The following MARCHF8 variants were observed in gnomAD, a reference collection of about 807,000 sequenced individuals.
The protein encoded by MARCHF8 is membrane associated ring-CH-type finger 8.
MARCHF8 carries 40 observed loss-of-function variants against 51.6 expected under a neutral mutation model. The observed-to-expected ratio is 0.77, with a 90% CI of 0.60 to 1.01. The LOEUF is 1.01. MARCHF8 is among the 50% of genes least tolerant of loss of function. The pLI is 0.00. For synonymous variants in MARCHF8, 263 were observed against 280.3 expected, an observed-to-expected ratio of 0.94 and a Z score of 0.62; for missense variants, 685 against 708.6, an observed-to-expected ratio of 0.97 and a Z score of 0.38.
intron 3 of MARCHF8, among the ~76,000 whole-genome samples, chr10:45,487,692 G>A (rs1564479708): frequency 6.6e-6 from 1 of 152,134 alleles, no homozygotes; most frequent in East Asian, 1.9e-4. Flanking sequence ...TTAAGCGGAA[G>A]AATAATATAA....
intron 6 of MARCHF8, chr10:45,459,866 C>A: frequency 1.0e-6 from 1 of 985,414 alleles, no homozygotes; most frequent in Non-Finnish European, 1.2e-6. Context: ...GCCAGACTTT[C>A]TTTTTCATTT....
chr10:45,485,643 T>C (rs2042965914), intron 3 of MARCHF8, among the ~76,000 whole-genome samples: 1 of 152,142 alleles, frequency 6.6e-6, no homozygotes, highest in South Asian at 2.1e-4. Flanking sequence ...TGAGACACTT[T>C]GTAATAAAAT....
At chr10:45,511,029 G>A (rs931899557) in intron 2 of MARCHF8, among the ~76,000 whole-genome samples, 1 of 152,228 alleles carries the variant, frequency 6.6e-6, no homozygotes, top group Non-Finnish European at 1.5e-5. Context: ...TTCTAATATA[G>A]ACTGATAAAT....
intron 1 of MARCHF8, among the ~76,000 whole-genome samples, chr10:45,578,630 A>T (rs1343031032): frequency 6.6e-6 from 1 of 152,218 alleles, no homozygotes; most frequent in Non-Finnish European, 1.5e-5. Flanking sequence ...TTAACTTCAA[A>T]GAGAAAAACA....
chr10:45,488,387 T>A (rs1181992115), intron 3 of MARCHF8, among the ~76,000 whole-genome samples: 1 of 152,012 alleles, frequency 6.6e-6, no homozygotes, highest in Non-Finnish European at 1.5e-5. Flanking sequence ...CCGCAATGCC[T>A]GAAGGTCCAG....
At chr10:45,531,384 G>C (rs965510550) in intron 2 of MARCHF8, among the ~76,000 whole-genome samples, 30 of 152,184 alleles carry the variant, frequency 2.0e-4, no homozygotes, top group Admixed American at 1.1e-3. Flanking sequence ...AAAAATGATA[G>C]ATGGAAATAC....
At chr10:45,523,505 G>A (rs2043743011) in intron 2 of MARCHF8, among the ~76,000 whole-genome samples, 1 of 152,210 alleles carries the variant, frequency 6.6e-6, no homozygotes, top group African/African-American at 2.4e-5. Flanking sequence ...GCCTGTGAGA[G>A]TGAGACCCAA....
At chr10:45,504,552 C>T (rs1235649198) in intron 2 of MARCHF8, among the ~76,000 whole-genome samples, 1 of 152,216 alleles carries the variant, frequency 6.6e-6, no homozygotes, top group African/African-American at 2.4e-5. Flanking sequence ...ATACAGGACA[C>T]CAGCTATCTA....
intron 1 of MARCHF8, among the ~76,000 whole-genome samples, chr10:45,564,133 A>G (rs1693594665): frequency 6.6e-6 from 1 of 152,136 alleles, no homozygotes. Context: ...AAAATCAGCC[A>G]GATGTGGTGG....
chr10:45,525,520 A>C (rs1210966445), intron 2 of MARCHF8, among the ~76,000 whole-genome samples: 1 of 152,214 alleles, frequency 6.6e-6, no homozygotes, highest in African/African-American at 2.4e-5. Context: ...CAGATAATTC[A>C]TGTAAAGACT....
Position 45,458,343 on chromosome 10 carries a change from G to A in MARCHF8, c.1618C>T (p.Pro540Ser). The A allele has an allele frequency of 6.2e-7, 1 of 1,614,082 alleles. No homozygotes were observed. Among genetic ancestry groups the A allele is most frequent in the Non-Finnish European group, 8.5e-7 (1 of 1,180,006 alleles). The change falls in exon 8 of 8, where the codon CCC becomes TCC. Residue 540 changes from proline to serine, a missense_variant. Pro to Ser is a moderately conservative substitution (Grantham distance 74). Transcript: ENST00000453424. Reference sequence around the variant, plus strand: ...TATCCATGTTTATTTTCAAAGTTGGGCTCTGTTAGTGGAGATTTTTCAAAA... The same window carrying A: ...TATCCATGTTTATTTTCAAAGTTGGACTCTGTTAGTGGAGATTTTTCAAAA... Reference protein sequence around the residue: ...NIFEKSPLTEPNFENKHGYGI... With the variant: ...NIFEKSPLTESNFENKHGYGI...
intron 2 of MARCHF8, among the ~76,000 whole-genome samples, chr10:45,494,728 C>T (rs1211309860): frequency 5.3e-5 from 8 of 152,140 alleles, no homozygotes; most frequent in Admixed American, 1.3e-4. Context: ...GGAATATAGA[C>T]GTAATACCAC....
rs1227858504 is a variant in MARCHF8, at chr10:45,464,282, A to C, written c.199T>G (p.Phe67Val). 1 of 1,614,180 alleles carries C rather than the reference A, an allele frequency of 6.2e-7. No individual in the cohort carries two copies. The highest frequency in any genetic ancestry group is 8.5e-7 in the Non-Finnish European group (1 of 1,180,018). Residue 67 changes from phenylalanine to valine, a missense_variant, in exon 4 of 8, where the codon TTC (phenylalanine) becomes GTC (valine). Phe to Val is a conservative substitution (Grantham distance 50). Transcript: ENST00000453424. The stretch of plus-strand genomic sequence containing the variant: ...GATGGCGTGATAGAAGTGCGAGAGA[A>C]GGAGGACACCGGAGCCGGAGCTGAT... ...SASAPAPVSS[F>V]SRTSITPSSQ...
chr10:45,501,599 A>G (rs899532143), intron 2 of MARCHF8, among the ~76,000 whole-genome samples: 2 of 152,122 alleles, frequency 1.3e-5, no homozygotes, highest in African/African-American at 2.4e-5. Flanking sequence ...GAGTTCCTAT[A>G]CTACACACCC....
intron 2 of MARCHF8, among the ~76,000 whole-genome samples, chr10:45,507,811 GAAA>G (rs34156328): frequency 8.2e-6 from 1 of 122,296 alleles, no homozygotes. Flanking sequence ...GCTCAGTTTT[GAAA>G]AAAAAAAAAA....
At chr10:45,487,109 C>A (rs1307370560) in intron 3 of MARCHF8, among the ~76,000 whole-genome samples, 1 of 152,100 alleles carries the variant, frequency 6.6e-6, no homozygotes, top group Non-Finnish European at 1.5e-5. Context: ...CCACGCCTGG[C>A]TTACCCTACT....
Position 45,463,146 on chromosome 10 carries a change from C to G in MARCHF8, c.1088+5G>C. 6.5e-7 allele frequency: 1 copy of G among 1,544,774 alleles called. No individual in the cohort carries two copies. Among genetic ancestry groups the G allele is most frequent in the Non-Finnish European group, 8.7e-7 (1 of 1,143,272 alleles). ...GGCTAGAATGGCACTTCCTGGCAAACCAACCTGCAGACATCCCCTGACGTG... is the reference window on the plus strand; with the variant it reads ...GGCTAGAATGGCACTTCCTGGCAAAGCAACCTGCAGACATCCCCTGACGTG... On this transcript the variant is annotated splice_donor_5th_base_variant and intron_variant, in intron 5 of 7. Coordinates refer to ENST00000453424, the MANE Select transcript of MARCHF8 (RefSeq NM_001282866.2).
intron 1 of MARCHF8, among the ~76,000 whole-genome samples, chr10:45,547,313 G>A (rs2044138935): frequency 6.6e-6 from 1 of 152,104 alleles, no homozygotes; most frequent in Non-Finnish European, 1.5e-5. Context: ...AAATCTCACA[G>A]CAGTGCCAGG....
intron 3 of MARCHF8, among the ~76,000 whole-genome samples, chr10:45,487,409 G>A (rs1449236667): frequency 6.6e-6 from 1 of 152,162 alleles, no homozygotes; most frequent in African/African-American, 2.4e-5. Flanking sequence ...TTGGCTACTA[G>A]GGCAAGGCGA....
Sources: gnomAD v4.1 joint callset for allele counts (sites outside exome capture counted in the v4.1 genomes callset) on GRCh38, gnomAD v4.1.1 for gene constraint, MANE v1.5 for transcripts, NCBI Gene and HGNC (gene_info 2026-07-23, HGNC 2026-07-21) for gene names.